The following SMG6 variants were observed in gnomAD, a reference collection of about 807,000 sequenced individuals.
The protein encoded by SMG6 is SMG6 nonsense mediated mRNA decay factor.
In SMG6, 66 loss-of-function variants were observed where a neutral mutation model predicts 142.2. The ratio of observed to expected loss-of-function variants is 0.46; its 90% CI spans 0.38 to 0.57. The LOEUF (loss-of-function observed/expected upper bound fraction) is 0.57, where lower values mean the gene tolerates loss of function less well. SMG6 is among the 20% of genes least tolerant of loss of function. The pLI is 0.00. For synonymous variants in SMG6, 779 were observed against 702.4 expected, an observed-to-expected ratio of 1.11 and a Z score of -1.72; for missense variants, 1,793 against 1,832.0, an observed-to-expected ratio of 0.98 and a Z score of 0.39.
intron 13 of SMG6, chr17:2,101,500 T>G (rs2069005868): frequency 6.6e-6 from 1 of 152,164 alleles, no homozygotes; most frequent in Non-Finnish European, 1.5e-5. Context: ...AAACTAAAAT[T>G]CAAATAAATT....
At chr17:2,100,594 G>A (rs548358603) in intron 13 of SMG6, among the ~76,000 whole-genome samples, 2 of 152,346 alleles carry the variant, frequency 1.3e-5, no homozygotes, top group South Asian at 4.1e-4. Flanking sequence ...TTTATTCTAT[G>A]AGACAGGGTT....
intron 8 of SMG6, among the ~76,000 whole-genome samples, chr17:2,258,309 AC>A (rs1229386247): frequency 6.6e-6 from 1 of 152,038 alleles, no homozygotes; most frequent in Non-Finnish European, 1.5e-5. Flanking sequence ...TAATCCCAGC[AC>A]TTTGGGAGGC....
chr17:2,284,733 A>G (rs1567747891), intron 6 of SMG6, among the ~76,000 whole-genome samples: 3 of 152,220 alleles, frequency 2.0e-5, no homozygotes, highest in East Asian at 1.9e-4. Context: ...TTTATTAGGT[A>G]TGACACAGCA....
At chr17:2,223,588 G>A (rs903129596) in intron 10 of SMG6, among the ~76,000 whole-genome samples, 72 of 152,128 alleles carry the variant, frequency 4.7e-4, no homozygotes, top group African/African-American at 1.7e-3. Context: ...TATATAATGT[G>A]ATGTAGCTGA....
chr17:2,100,697 T>C (rs1336010209), intron 13 of SMG6, among the ~76,000 whole-genome samples: 1 of 152,036 alleles, frequency 6.6e-6, no homozygotes, highest in Non-Finnish European at 1.5e-5. Flanking sequence ...GCGCACACCA[T>C]CACATCCAGC....
In SMG6 at chr17:2,262,853, G is replaced by T. The variant is rs562508553; in HGVS notation, c.2662-18134C>A. Among the ~76,000 whole-genome samples, 37 of 152,252 alleles carry T rather than the reference G, an allele frequency of 2.4e-4. No individual in the cohort carries two copies. The East Asian group carries it at 6.9e-3, about 29-fold the overall frequency. On this transcript the variant is annotated intron_variant, in intron 8 of 18. Transcript: ENST00000263073. ...GTGCTCCATGAATATTTATGGAAAT[G>T]ACCTGAATTGGGACAGGGAAAAACT...
chr17:2,065,017 T>C, intron 18 of SMG6, 56 bp downstream of exon 18: 8 of 1,358,656 alleles, frequency 5.9e-6, no homozygotes, highest in Non-Finnish European at 8.4e-6. Context: ...TGAGGATGGG[T>C]AGGATGAGGT....
In SMG6 at chr17:2,300,090, T is replaced by G; in HGVS notation, c.663A>C (p.Gly221=). ...GGGTTTCCCTCACCCCCTCCCCTTT[T>G]CCCATCCTCTTTCCTTTTTCTCCTT... ...AAKGEKGKRM[G]KGEGVRETHD... is the part of the protein sequence containing the mutation. The change falls in exon 2 of 19, where the codon GGA becomes GGC. Residue 221 remains glycine, a synonymous_variant. Transcript: ENST00000263073. 1 of 1,614,098 alleles carries G rather than the reference T, an allele frequency of 6.2e-7. No homozygotes were observed. Among genetic ancestry groups the G allele is most frequent in the Admixed American group, 1.7e-5 (1 of 60,024 alleles).
intron 8 of SMG6, among the ~76,000 whole-genome samples, chr17:2,270,110 A>G (rs2074513984): frequency 6.6e-6 from 1 of 152,142 alleles, no homozygotes; most frequent in Admixed American, 6.5e-5. Flanking sequence ...ACATACAAAT[A>G]CTAGACAAAA....
intron 13 of SMG6, among the ~76,000 whole-genome samples, chr17:2,130,688 T>C (rs1412191911): frequency 1.3e-5 from 2 of 152,002 alleles, no homozygotes; most frequent in South Asian, 2.1e-4. Context: ...GGTTTCCTTT[T>C]TTTTCATGTA....
intron 13 of SMG6, among the ~76,000 whole-genome samples, chr17:2,161,974 G>T (rs1253294212): frequency 1.3e-5 from 2 of 152,050 alleles, no homozygotes; most frequent in African/African-American, 4.8e-5. Flanking sequence ...TATCTCAAAG[G>T]GTAAGAACAA....
At chr17:2,188,712 A>T (rs903161) in intron 10 of SMG6, among the ~76,000 whole-genome samples, 197 bp from the exon 11 acceptor site, 56,294 of 152,060 alleles carry the variant, frequency 0.37, 11,049 homozygotes, top group African/African-American at 0.5. Context: ...GTGTTTGATA[A>T]GATGATAAGG....
intron 10 of SMG6, among the ~76,000 whole-genome samples, chr17:2,225,174 A>G (rs2073279556): frequency 6.6e-6 from 1 of 152,152 alleles, no homozygotes; most frequent in Admixed American, 6.6e-5. Flanking sequence ...TGAATTTAAC[A>G]GTAAATATAC....
At chr17:2,297,769 C>T in intron 3 of SMG6, 94 bp downstream of exon 3, 2 of 1,411,954 alleles carry the variant, frequency 1.4e-6, no homozygotes, top group Non-Finnish European at 1.9e-6. Context: ...TGTCGATATT[C>T]TGTTCTAAAA....
At chr17:2,303,367 G>C in intron 1 of SMG6, 5 of 1,223,752 alleles carry the variant, frequency 4.1e-6, no homozygotes, top group Non-Finnish European at 5.1e-6. Context: ...GGGGCAAAAG[G>C]AACAGTCACC....
chr17:2,072,512 T>C (rs930339422), intron 15 of SMG6, among the ~76,000 whole-genome samples: 1 of 152,148 alleles, frequency 6.6e-6, no homozygotes, highest in Non-Finnish European at 1.5e-5. Context: ...TCATATACAA[T>C]AATACCTAAG....
chr17:2,280,646 T>G (rs1215586379), intron 8 of SMG6: 3 of 943,972 alleles, frequency 3.2e-6, no homozygotes, highest in African/African-American at 3.5e-5. Context: ...AAATTAAGGG[T>G]AATAGTTACC....
intron 10 of SMG6, chr17:2,213,557 G>GA (rs34773740): frequency 6.6e-6 from 1 of 151,864 alleles, no homozygotes; most frequent in African/African-American, 2.4e-5. Context: ...AGGGATGAGG[G>GA]AAAAAAATAA....
chr17:2,172,600 A>G (rs895915205), intron 13 of SMG6, 58 bp downstream of exon 13: 8 of 1,571,234 alleles, frequency 5.1e-6, no homozygotes, highest in Non-Finnish European at 7.0e-6. Flanking sequence ...AAGAATAAAA[A>G]AGTCTGGAGA....
Sources: allele counts gnomAD v4.1 joint callset (sites outside exome capture counted in the v4.1 genomes callset), GRCh38; gene constraint gnomAD v4.1.1; transcripts MANE v1.5; gene names NCBI Gene and HGNC (gene_info 2026-07-23, HGNC 2026-07-21).